DNM3: variants seen among roughly 807,000 people sequenced by gnomAD.
DNM3 encodes the protein dynamin 3.
DNM3 carries 47 observed loss-of-function variants against 101.6 expected under a neutral mutation model. The ratio of observed to expected loss-of-function variants is 0.46; its 90% confidence interval spans 0.37 to 0.59. The LOEUF is 0.59. Among genes scored for constraint, DNM3 ranks in the 20% least tolerant of loss-of-function variants. The pLI is 0.00. For missense variants in DNM3, 849 were observed against 1,085.7 expected (o/e 0.78, Z 3.06); for synonymous variants, 385 against 387.9 (o/e 0.99, Z 0.09).
Position 172,387,243 on chromosome 1 carries a change from T to C in DNM3, c.2169T>C (p.Leu723=), listed in dbSNP as rs2069234645. 1 of 1,613,794 alleles carries C rather than the reference T, an allele frequency of 6.2e-7. No individual in the cohort carries two copies. The highest frequency in any genetic ancestry group is 1.3e-5 in the African/African-American group (1 of 74,886). The stretch of plus-strand genomic sequence containing the variant: ...AGGCTCAGCGCCGGGATGAGATGCT[T>C]CGAATGTATCAAGCACTGAAAGAAG... ...AEQAQRRDEM[L]RMYQALKEAL... Residue 723 remains leucine (L), a synonymous_variant, in exon 19 of 21, where the codon CTT becomes CTC. Transcript: ENST00000627582.
At position 172,068,829 on chromosome 1, in the gene DNM3, TC is replaced by T; in HGVS notation, c.1350del (p.Arg451AspfsTer28). The T allele has an allele frequency of 6.4e-7, 1 of 1,570,918 alleles. No individual in the cohort carries two copies. The highest frequency in any genetic ancestry group is 8.6e-7 in the Non-Finnish European group (1 of 1,157,124). ...VKKCTKKLAN[F>X]PRLCEETERI... ...TGCTTTTCTTGACAGCTGGCAAACTTCCCCAGACTCTGCGAGGAAACGGAAA... is the reference window on the plus strand; with the variant it reads ...TGCTTTTCTTGACAGCTGGCAAACTTCCCAGACTCTGCGAGGAAACGGAAA... On this transcript the variant is annotated frameshift_variant, in exon 11 of 21. Coordinates refer to ENST00000627582, the MANE Select transcript of DNM3 (RefSeq NM_015569.5). LOFTEE classifies it high-confidence loss of function.
At position 172,075,076 on chromosome 1, in the gene DNM3, T is replaced by C. The variant is rs113151580; in HGVS notation, c.1422+6171T>C. 6.6e-3 allele frequency among the ~76,000 whole-genome samples: 1,002 copies of C among 152,342 alleles called. 10 individuals carry two copies. Among genetic ancestry groups the C allele is most frequent in the African/African-American group, 0.023 (954 of 41,572 alleles). Reference sequence around the variant, plus strand: ...GCATTTCTCTAATGACCAGTGATGATGAGCTTTTTTTTCATATGTTTGTTG... The same window carrying C: ...GCATTTCTCTAATGACCAGTGATGACGAGCTTTTTTTTCATATGTTTGTTG... On this transcript the variant is annotated intron_variant, in intron 11 of 20. Transcript: ENST00000627582.
intron 1 of DNM3, among the ~76,000 whole-genome samples, chr1:171,886,603 G>C (rs181173432): frequency 6.0e-4 from 92 of 152,094 alleles, no homozygotes; most frequent in Middle Eastern, 3.4e-3. Flanking sequence ...TTTACATTAT[G>C]CTTTTAGGAA....
At chr1:172,023,925 A>AT (rs1378666201) in intron 4 of DNM3, among the ~76,000 whole-genome samples, 4 of 137,332 alleles carry the variant, frequency 2.9e-5, no homozygotes, top group Non-Finnish European at 6.3e-5. Flanking sequence ...TCTTCCAACC[A>AT]TTTTACTAAC....
intron 1 of DNM3, among the ~76,000 whole-genome samples, chr1:171,869,229 T>G (rs1363587319): frequency 2.0e-5 from 3 of 152,172 alleles, no homozygotes; most frequent in African/African-American, 4.8e-5. Context: ...TGCTTTCCAC[T>G]CTGAATTAAG....
At chr1:172,011,110 A>T (rs1645026286) in intron 4 of DNM3, among the ~76,000 whole-genome samples, 1 of 151,730 alleles carries the variant, frequency 6.6e-6, no homozygotes, top group South Asian at 2.1e-4. Flanking sequence ...TCATTTTTTC[A>T]TTTATTAAAG....
At chr1:171,921,701 G>A (rs1417089238) in intron 1 of DNM3, 47 bp from the exon 2 acceptor site, 3 of 1,489,004 alleles carry the variant, frequency 2.0e-6, no homozygotes, top group Admixed American at 3.9e-5. Flanking sequence ...ATGTACAGGT[G>A]ATAAGAATTC....
At chr1:172,184,627 T>C (rs2059459974) in intron 14 of DNM3, among the ~76,000 whole-genome samples, 3 of 152,128 alleles carry the variant, frequency 2.0e-5, no homozygotes, top group African/African-American at 7.2e-5. Context: ...TGTTGCTCTC[T>C]TCATATTGTC....
intron 14 of DNM3, among the ~76,000 whole-genome samples, chr1:172,239,753 C>G (rs2061672884): frequency 6.7e-6 from 1 of 148,584 alleles, no homozygotes; most frequent in Admixed American, 6.7e-5. Context: ...TTGGTTATCT[C>G]TCTCCCCTCC....
intron 10 of DNM3, among the ~76,000 whole-genome samples, chr1:172,055,102 C>A (rs2050499386): frequency 6.6e-6 from 1 of 152,086 alleles, no homozygotes; most frequent in Non-Finnish European, 1.5e-5. Flanking sequence ...ACAAGTGAAT[C>A]CAAGTCCTTA....
rs138452321 is a variant in DNM3 at position 172,285,517 on chromosome 1, C to T, written c.1770-23211C>T. ...CAAGCACATCTTAGGCAACCCTATC[C>T]GCAAAGGCCCAAACTTCCCAGATGC... On this transcript the variant is annotated intron_variant, in intron 15 of 20. Transcript: ENST00000627582. 3.0e-4 allele frequency among the ~76,000 whole-genome samples: 46 copies of T among 152,264 alleles called. No individual in the cohort carries two copies. In the East Asian group the frequency reaches 7.9e-3, roughly 26 times the overall value.
intron 13 of DNM3, among the ~76,000 whole-genome samples, chr1:172,111,232 TC>T: frequency 6.6e-6 from 1 of 152,292 alleles, no homozygotes; most frequent in East Asian, 1.9e-4. Flanking sequence ...ATCCTTGACC[TC>T]CCAGACATTG....
At chr1:172,106,771 G>C (rs1441379966) in intron 13 of DNM3, among the ~76,000 whole-genome samples, 1 of 146,346 alleles carries the variant, frequency 6.8e-6, no homozygotes, top group Middle Eastern at 3.5e-3. Context: ...TATTCTATAA[G>C]ACTTATTTGG....
At chr1:171,843,275 T>A (rs1210645835) in intron 1 of DNM3, among the ~76,000 whole-genome samples, 4 of 152,172 alleles carry the variant, frequency 2.6e-5, no homozygotes, top group Non-Finnish European at 4.4e-5. Flanking sequence ...TACACCTCAT[T>A]TTTATATTTT....
chr1:172,190,011 C>CTT (rs61413095), intron 14 of DNM3, among the ~76,000 whole-genome samples: 1 of 134,452 alleles, frequency 7.4e-6, no homozygotes, highest in Admixed American at 7.4e-5. Context: ...AATCACATTT[C>CTT]TTTTTTTTTT....
intron 17 of DNM3, among the ~76,000 whole-genome samples, chr1:172,328,414 C>T (rs930192867): frequency 6.6e-6 from 1 of 152,092 alleles, no homozygotes; most frequent in Non-Finnish European, 1.5e-5. Context: ...GAAAATGTGG[C>T]ACATATACAC....
intron 18 of DNM3, among the ~76,000 whole-genome samples, chr1:172,382,762 T>C (rs1178433411): frequency 2.0e-5 from 3 of 152,186 alleles, no homozygotes; most frequent in Non-Finnish European, 4.4e-5. Context: ...GTTTGAAATC[T>C]TTCTCATATT....
At chr1:172,107,021 C>T (rs1356162058) in intron 13 of DNM3, among the ~76,000 whole-genome samples, 2 of 149,330 alleles carry the variant, frequency 1.3e-5, no homozygotes, top group East Asian at 1.9e-4. Flanking sequence ...CCACCGCGCC[C>T]GGCTAATTTT....
intron 8 of DNM3, 62 bp downstream of exon 8, chr1:172,042,206 A>G (rs2049437616): frequency 4.1e-6 from 6 of 1,468,906 alleles, no homozygotes; most frequent in Non-Finnish European, 1.8e-6. Flanking sequence ...GTTTTATACA[A>G]CTTAATACAA....
Sources: allele counts gnomAD v4.1 joint callset (sites outside exome capture counted in the v4.1 genomes callset), GRCh38; gene constraint gnomAD v4.1.1; transcripts MANE v1.5; gene names NCBI Gene and HGNC (gene_info 2026-07-23, HGNC 2026-07-21).